Variants in OR5M9 observed in about 807,000 individuals in gnomAD.
OR5M9 encodes the protein olfactory receptor family 5 subfamily M member 9.
For missense variants in OR5M9, 464 were observed against 383.6 expected (o/e 1.21, Z -1.75); for synonymous variants, 174 against 145.0 (o/e 1.20, Z -1.44).
At position 56,462,774 on chromosome 11, in the gene OR5M9, A is replaced by G; in HGVS notation, c.628T>C (p.Ser210Pro). 1.2e-6 allele frequency: 2 copies of G among 1,613,242 alleles called. No homozygotes were observed. The change falls in exon 1 of 1, where the codon TCG becomes CCG. Residue 210 changes from serine to proline, a missense_variant. Ser to Pro is a moderately conservative substitution (Grantham distance 74). Coordinates refer to ENST00000279791, the MANE Select transcript of OR5M9 (RefSeq NM_001004743.1). ...AGAGTGTAGGAGATGAGGACCACCG[A>G]GAGGGAATATGTGAAGTTAATTCCA... is the stretch of plus-strand genomic sequence containing the variant. ...IAGINFTYSL[S>P]VVLISYTLIV...
chr11:56,462,968 A>G lies in OR5M9; in HGVS notation c.434T>C (p.Val145Ala). 2.5e-6 allele frequency: 4 copies of G among 1,614,072 alleles called. No homozygotes were observed. The highest frequency in any genetic ancestry group is 3.4e-6 in the Non-Finnish European group (4 of 1,179,952). ...GACAGAGAATCCATAGACATAAGGC[A>G]CAGAGATGAGCCGAACACACACAGT... ...SRTVCVRLIS[V>A]PYVYGFSVSL... The change falls in exon 1 of 1, where the codon GTG (valine) becomes GCG (alanine). Residue 145 changes from valine (V) to alanine (A), a missense_variant. Transcript: ENST00000279791.
chr11:56,463,032 C>A lies in OR5M9; in HGVS notation c.370G>T (p.Gly124Cys). ...CTGCCATAAAGCAGAGGGTTGCAGC[C>A]GGCCATGTACCTGTCAAAGGCCATC... is the stretch of plus-strand genomic sequence containing the variant. ...AVMAFDRYMA[G>C]CNPLLYGSKM... The change falls in exon 1 of 1, where the codon GGC (glycine) becomes TGC (cysteine). Residue 124 changes from glycine to cysteine, a missense_variant. Gly to Cys is a radical substitution (Grantham distance 159). Coordinates refer to ENST00000279791, the MANE Select transcript of OR5M9 (RefSeq NM_001004743.1). 2 of 1,614,026 alleles carry A rather than the reference C, an allele frequency of 1.2e-6. No individual in the cohort carries two copies. The highest frequency in any genetic ancestry group is 1.7e-6 in the Non-Finnish European group (2 of 1,179,970).
chr11:56,462,747 T>TGTAG lies in OR5M9; in HGVS notation c.654_655insCTAC (p.Ile219LeufsTer46). On this transcript the variant is annotated frameshift_variant, in exon 1 of 1. Transcript: ENST00000279791. LOFTEE classifies it low-confidence loss of function (END_TRUNC). ...CGCATGCGTAGCACAGCTACTACAA[T>TGTAG]GAGAGTGTAGGAGATGAGGACCACC... is the stretch of plus-strand genomic sequence containing the variant. The TGTAG allele has an allele frequency of 1.9e-6, 3 of 1,601,358 alleles. No individual in the cohort carries two copies. The highest frequency in any genetic ancestry group is 1.7e-6 in the Non-Finnish European group (2 of 1,174,372).
Position 56,463,361 on chromosome 11 carries a change from C to A in OR5M9, c.41G>T (p.Gly14Val), listed in dbSNP as rs1298463297. The change falls in exon 1 of 1, where the codon GGG (glycine) becomes GTG (valine). Residue 14 changes from glycine (G) to valine (V), a missense_variant. Transcript: ENST00000279791. ...FTDVTEFTLL[G>V]LTCRQELQVL... ...CTGTAGCTCCTGACGACAGGTCAGC[C>A]CCAGGAGAGTAAATTCTGTCACATC... The A allele has an allele frequency of 1.2e-6, 2 of 1,611,866 alleles. No individual in the cohort carries two copies. Among genetic ancestry groups the A allele is most frequent in the Non-Finnish European group, 1.7e-6 (2 of 1,179,354 alleles).
rs1316487909 is a variant in OR5M9, at chr11:56,463,381, C to A, written c.21G>T (p.Val7=). ...TCAGCCCCAGGAGAGTAAATTCTGT[C>A]ACATCCGTGAAATTAGGCATTGCCT... The part of the protein sequence containing the change: MPNFTD[V]TEFTLLGLTC... Residue 7 remains valine, a synonymous_variant, in exon 1 of 1, where the codon GTG becomes GTT. Coordinates refer to ENST00000279791, the MANE Select transcript of OR5M9 (RefSeq NM_001004743.1). 6.2e-7 allele frequency: 1 copy of A among 1,607,888 alleles called. No individual in the cohort carries two copies.
chr11:56,463,249 A>G lies in OR5M9; in HGVS notation c.153T>C (p.Pro51=). Residue 51 remains proline (P), a synonymous_variant, in exon 1 of 1, where the codon CCT becomes CCC. Transcript: ENST00000279791. ...IGMIILISIS[P]QLQSPMYFFL... ...AAAAGTACATGGGACTCTGAAGCTG[A>G]GGACTGATGCTAATCAAAATGATCA... 1 of 1,613,986 alleles carries G rather than the reference A, an allele frequency of 6.2e-7. No individual in the cohort carries two copies. Among genetic ancestry groups the G allele is most frequent in the Non-Finnish European group, 8.5e-7 (1 of 1,179,942 alleles).
Position 56,463,309 on chromosome 11 carries a change from C to T in OR5M9, c.93G>A (p.Ala31=), listed in dbSNP as rs200491698. Residue 31 remains alanine, a synonymous_variant, in exon 1 of 1, where the codon GCG becomes GCA. Coordinates refer to ENST00000279791, the MANE Select transcript of OR5M9 (RefSeq NM_001004743.1). ...TTCCCAACAGAGTGATCATGTAAACCGCTAGGAACACCACAAAAAAGAGAA... is the reference window on the plus strand; with the variant it reads ...TTCCCAACAGAGTGATCATGTAAACTGCTAGGAACACCACAAAAAAGAGAA... ...LQVLFFVVFL[A]VYMITLLGNI... 1.4e-5 allele frequency: 23 copies of T among 1,613,506 alleles called. No individual in the cohort carries two copies. The highest frequency in any genetic ancestry group is 1.1e-5 in the South Asian group (1 of 91,048).
Position 56,462,532 on chromosome 11 carries a change from C to T in OR5M9, c.870G>A (p.Leu290=), listed in dbSNP as rs752652816. Residue 290 remains leucine (L), a synonymous_variant, in exon 1 of 1, where the codon CTG becomes CTA. Transcript: ENST00000279791. ...CTGCTTCTTTTACATCCTTATTTCT[C>T]AGACTGTAGATCATGGGATTCAACA... ...IPMLNPMIYS[L]RNKDVKEAVN... 43 of 1,613,706 alleles carry T rather than the reference C, an allele frequency of 2.7e-5. No homozygotes were observed. The highest frequency in any genetic ancestry group is 5.0e-5 in the Admixed American group (3 of 59,984).
chr11:56,462,742 T>C lies in OR5M9; in HGVS notation c.660A>G (p.Val220=), dbSNP rs370341372. ...CAGAGCGCATGCGTAGCACAGCTAC[T>C]ACAATGAGAGTGTAGGAGATGAGGA... is the stretch of plus-strand genomic sequence containing the variant. ...SVVLISYTLI[V]VAVLRMRSAD... is the part of the protein sequence containing the mutation. Residue 220 remains valine (V), a synonymous_variant, in exon 1 of 1, where the codon GTA becomes GTG. Coordinates refer to ENST00000279791, the MANE Select transcript of OR5M9 (RefSeq NM_001004743.1). 6.2e-6 allele frequency: 10 copies of C among 1,613,208 alleles called. No individual in the cohort carries two copies. In the African/African-American group the frequency reaches 9.3e-5, roughly 15 times the overall value.
In OR5M9 at chr11:56,462,994, C is replaced by A. The variant is rs1853574700; in HGVS notation, c.408G>T (p.Arg136Ser). ...CAGAGATGAGCCGAACACACACAGT[C>A]CTAGACATTTTACTGCCATAAAGCA... ...NPLLYGSKMS[R>S]TVCVRLISVP... The change falls in exon 1 of 1, where the codon AGG becomes AGT. Residue 136 changes from arginine (R) to serine (S), a missense_variant. Physicochemically the swap from Arg to Ser is moderately radical, Grantham distance 110 (BLOSUM62 -1). Coordinates refer to ENST00000279791, the MANE Select transcript of OR5M9 (RefSeq NM_001004743.1). 3.7e-6 allele frequency: 6 copies of A among 1,613,946 alleles called. No homozygotes were observed. Among genetic ancestry groups the A allele is most frequent in the Non-Finnish European group, 5.1e-6 (6 of 1,180,004 alleles).
rs1276618785 is a variant in OR5M9 at position 56,462,930 on chromosome 11, T to C, written c.472A>G (p.Thr158Ala). 2 of 1,613,922 alleles carry C rather than the reference T, an allele frequency of 1.2e-6. No homozygotes were observed. Among genetic ancestry groups the C allele is most frequent in the Non-Finnish European group, 1.7e-6 (2 of 1,179,956 alleles). ...AAGTATAAGCCATAAGTCCATAGTG[T>C]GCATATTAGGCTGACAGAGAATCCA... ...VYGFSVSLIC[T>A]LWTYGLYFCG... Residue 158 changes from threonine to alanine, a missense_variant, in exon 1 of 1, where the codon ACA becomes GCA. Physicochemically the swap from Thr to Ala is moderately conservative, Grantham distance 58. Coordinates refer to ENST00000279791, the MANE Select transcript of OR5M9 (RefSeq NM_001004743.1).
rs1853569852 is a variant in OR5M9, at chr11:56,462,808, A to C, written c.594T>G (p.Ile198Met). 10 of 1,613,708 alleles carry C rather than the reference A, an allele frequency of 6.2e-6. No individual in the cohort carries two copies. The highest frequency in any genetic ancestry group is 7.6e-6 in the Non-Finnish European group (9 of 1,179,868). Residue 198 changes from isoleucine (I) to methionine (M), a missense_variant, in exon 1 of 1, where the codon ATT (isoleucine) becomes ATG (methionine). By Grantham distance (10) the Ile-to-Met change is conservative (BLOSUM62 1). Coordinates refer to ENST00000279791, the MANE Select transcript of OR5M9 (RefSeq NM_001004743.1). ...ATGTGAAGTTAATTCCAGCAATAAC[A>C]ATCATTGTGATTTCTTTGATGTGCA... Reference protein sequence around the residue: ...GRVHIKEITMIVIAGINFTYS... With the variant: ...GRVHIKEITMMVIAGINFTYS...
chr11:56,462,470 T>A lies in OR5M9; in HGVS notation c.932A>T (p.Ter311LeuextTer?). The change falls in exon 1 of 1, where the codon TAA (stop) becomes TTA (leucine). Residue 311 changes from the stop codon to leucine (L), a stop_lost. Coordinates refer to ENST00000279791, the MANE Select transcript of OR5M9 (RefSeq NM_001004743.1). The part of the protein sequence containing the change: ...KAITKTYVRQ[*>L] ...GGGACAACAATATCCACTACAGTTT[T>A]ACTGCCTCACATATGTCTTGGTGAT... 1 of 1,593,930 alleles carries A rather than the reference T, an allele frequency of 6.3e-7. No homozygotes were observed. The highest frequency in any genetic ancestry group is 8.6e-7 in the Non-Finnish European group (1 of 1,162,182).
At position 56,462,652 on chromosome 11, in the gene OR5M9, A is replaced by T; in HGVS notation, c.750T>A (p.Tyr250Ter). Residue 250 changes from tyrosine (Y) to a stop codon, truncating the protein, a stop_gained, in exon 1 of 1, where the codon TAT becomes TAA. Transcript: ENST00000279791. LOFTEE classifies it low-confidence loss of function (END_TRUNC). ...TGAGATACATGAAGATGGGGGTCCC[A>T]TAAAACATAGAAACAGCCGTCAAGT... ...GSHLTAVSMF[Y>*]GTPIFMYLRR... is the part of the protein sequence containing the mutation. 1.2e-6 allele frequency: 2 copies of T among 1,613,906 alleles called. No individual in the cohort carries two copies. The highest frequency in any genetic ancestry group is 1.7e-6 in the Non-Finnish European group (2 of 1,179,932).
chr11:56,462,809 A>G lies in OR5M9; in HGVS notation c.593T>C (p.Ile198Thr). 1 of 1,613,844 alleles carries G rather than the reference A, an allele frequency of 6.2e-7. No individual in the cohort carries two copies. The highest frequency in any genetic ancestry group is 8.5e-7 in the Non-Finnish European group (1 of 1,179,864). ...TGTGAAGTTAATTCCAGCAATAACAATCATTGTGATTTCTTTGATGTGCAC... is the reference window on the plus strand; with the variant it reads ...TGTGAAGTTAATTCCAGCAATAACAGTCATTGTGATTTCTTTGATGTGCAC... ...GRVHIKEITM[I>T]VIAGINFTYS... is the part of the protein sequence containing the mutation. The change falls in exon 1 of 1, where the codon ATT becomes ACT. Residue 198 changes from isoleucine (I) to threonine (T), a missense_variant. Coordinates refer to ENST00000279791, the MANE Select transcript of OR5M9 (RefSeq NM_001004743.1).
At position 56,463,360 on chromosome 11, in the gene OR5M9, C is replaced by T. The variant is rs779316176; in HGVS notation, c.42G>A (p.Gly14=). ...FTDVTEFTLL[G]LTCRQELQVL... ...CCTGTAGCTCCTGACGACAGGTCAG[C>T]CCCAGGAGAGTAAATTCTGTCACAT... is the stretch of plus-strand genomic sequence containing the variant. The change falls in exon 1 of 1, where the codon GGG becomes GGA. Residue 14 remains glycine (G), a synonymous_variant. Coordinates refer to ENST00000279791, the MANE Select transcript of OR5M9 (RefSeq NM_001004743.1). 10 of 1,611,706 alleles carry T rather than the reference C, an allele frequency of 6.2e-6. No individual in the cohort carries two copies. In the East Asian group the frequency reaches 1.6e-4, roughly 25 times the overall value.
rs1401671290 is a variant in OR5M9 at position 56,463,224 on chromosome 11, A to G, written c.178T>C (p.Phe60Leu). The G allele has an allele frequency of 1.9e-6, 3 of 1,613,930 alleles. No homozygotes were observed. The Admixed American group carries it at 5.0e-5, about 27-fold the overall frequency. The change falls in exon 1 of 1, where the codon TTC becomes CTC. Residue 60 changes from phenylalanine (F) to leucine (L), a missense_variant. By Grantham distance (22) the Phe-to-Leu change is conservative. Coordinates refer to ENST00000279791, the MANE Select transcript of OR5M9 (RefSeq NM_001004743.1). ...SPQLQSPMYF[F>L]LSHLSFADVC... ...TCCGCAAAAGACAGATGACTCAGGAAAAAGTACATGGGACTCTGAAGCTGA... is the reference window on the plus strand; with the variant it reads ...TCCGCAAAAGACAGATGACTCAGGAGAAAGTACATGGGACTCTGAAGCTGA...
chr11:56,462,858 G>A lies in OR5M9; in HGVS notation c.544C>T (p.Leu182Phe). 1.2e-6 allele frequency: 2 copies of A among 1,614,002 alleles called. No individual in the cohort carries two copies. The highest frequency in any genetic ancestry group is 8.5e-7 in the Non-Finnish European group (1 of 1,179,978). ...ACTCTCCCACAGGCAATCTGGATGA[G>A]AGGGGGATCTGCACAATAGAAGTGA... ...INHFYCADPP[L>F]IQIACGRVHI... The change falls in exon 1 of 1, where the codon CTC (leucine) becomes TTC (phenylalanine). Residue 182 changes from leucine (L) to phenylalanine (F), a missense_variant. Coordinates refer to ENST00000279791, the MANE Select transcript of OR5M9 (RefSeq NM_001004743.1).
chr11:56,462,634 C>G lies in OR5M9; in HGVS notation c.768G>C (p.Met256Ile). The change falls in exon 1 of 1, where the codon ATG becomes ATC. Residue 256 changes from methionine to isoleucine, a missense_variant. Coordinates refer to ENST00000279791, the MANE Select transcript of OR5M9 (RefSeq NM_001004743.1). ...ATTCCTCAGTGGGTCTCCTGAGATA[C>G]ATGAAGATGGGGGTCCCATAAAACA... Reference protein sequence around the residue: ...VSMFYGTPIFMYLRRPTEESV... With the variant: ...VSMFYGTPIFIYLRRPTEESV... The G allele has an allele frequency of 6.2e-7, 1 of 1,613,902 alleles. No individual in the cohort carries two copies. The highest frequency in any genetic ancestry group is 8.5e-7 in the Non-Finnish European group (1 of 1,179,942).
Sources: gnomAD v4.1 joint callset for allele counts on GRCh38, gnomAD v4.1.1 for gene constraint, MANE v1.5 for transcripts, NCBI Gene and HGNC (gene_info 2026-07-23, HGNC 2026-07-21) for gene names.